The following TRPC4 variants were observed in gnomAD, a reference collection of about 807,000 sequenced individuals.
The protein encoded by TRPC4 is transient receptor potential cation channel subfamily C member 4.
Under a neutral mutation model 99.4 loss-of-function variants are expected in TRPC4, and 49 were observed. The observed-to-expected ratio is 0.49, with a 90% CI of 0.39 to 0.63. The LOEUF is 0.63. Ranked by LOEUF, TRPC4 falls within the 20% of genes least tolerant of loss-of-function variation. The pLI is 0.00. For synonymous variants in TRPC4, 454 were observed against 425.9 expected (o/e 1.07, Z -0.81); for missense variants, 898 against 1,152.9 (o/e 0.78, Z 3.20).
chr13:37,707,885 A>G (rs1482668749), intron 3 of TRPC4, among the ~76,000 whole-genome samples: 1 of 152,164 alleles, frequency 6.6e-6, no homozygotes, highest in Non-Finnish European at 1.5e-5. Context: ...GAAATGATAA[A>G]AGACAGTGAA....
chr13:37,731,850 C>T lies in TRPC4; in HGVS notation c.897+14087G>A, dbSNP rs181951443. Among the ~76,000 whole-genome samples the T allele has an allele frequency of 1.5e-3, 222 of 152,154 alleles. 2 individuals are homozygous for T. The highest frequency in any genetic ancestry group is 1.2e-3 in the Non-Finnish European group (82 of 67,946). Reference sequence around the variant, plus strand: ...TCCCCACCTCCAAAGGAGCTAGCTACTATTTCTTTTTTCTTTCCCCATATA... The same window carrying T: ...TCCCCACCTCCAAAGGAGCTAGCTATTATTTCTTTTTTCTTTCCCCATATA... On this transcript the variant is annotated intron_variant, in intron 3 of 10. Coordinates refer to ENST00000379705, the MANE Select transcript of TRPC4 (RefSeq NM_016179.4).
At chr13:37,834,636 C>T (rs557149135) in intron 1 of TRPC4, among the ~76,000 whole-genome samples, 2 of 152,282 alleles carry the variant, frequency 1.3e-5, no homozygotes, top group Non-Finnish European at 2.9e-5. Context: ...ATGACAGAAC[C>T]TTTAGATGAG....
intron 5 of TRPC4, among the ~76,000 whole-genome samples, chr13:37,664,305 G>A (rs533410365): frequency 6.6e-6 from 1 of 152,292 alleles, no homozygotes; most frequent in East Asian, 1.9e-4. Flanking sequence ...CTGGCGCGGT[G>A]GCTGATGCCT....
rs765445730 is a variant in TRPC4, at chr13:37,655,160, G to A, written c.1812C>T (p.Tyr604=). Residue 604 remains tyrosine (Y), a synonymous_variant, in exon 7 of 11, where the codon TAC becomes TAT. Coordinates refer to ENST00000379705, the MANE Select transcript of TRPC4 (RefSeq NM_016179.4). ...EFVGATMFGT[Y]NVISLVVLLN... is the part of the protein sequence containing the mutation. ...GTAGAACAACCAGAGAGATGACATT[G>A]TATGTCCCAAACATGGTGGCACCAA... 24 of 1,606,198 alleles carry A rather than the reference G, an allele frequency of 1.5e-5. No homozygotes were observed. Among genetic ancestry groups the A allele is most frequent in the Non-Finnish European group, 2.0e-5 (24 of 1,175,580 alleles).
intron 3 of TRPC4, among the ~76,000 whole-genome samples, chr13:37,740,075 G>A (rs1350265737): frequency 6.6e-6 from 1 of 152,142 alleles, no homozygotes; most frequent in African/African-American, 2.4e-5. Flanking sequence ...GATCTAAGAG[G>A]AGAAAGTCAT....
At chr13:37,771,436 A>G (rs1003872410) in intron 2 of TRPC4, among the ~76,000 whole-genome samples, 2 of 151,722 alleles carry the variant, frequency 1.3e-5, no homozygotes, top group Admixed American at 6.6e-5. Flanking sequence ...TGAATAATAG[A>G]CACTGTATGT....
rs1161540086 is a variant in TRPC4 at position 37,783,011 on chromosome 13, ACTT to A, written c.320_322del (p.Glu107del). ...CAATAACAGCTCAACAGCTCCGACG[ACTT>A]CTTTTCTGATAGCATGTAATAGAGC... is the stretch of plus-strand genomic sequence containing the variant. On this transcript the variant is annotated inframe_deletion, in exon 2 of 11. Coordinates refer to ENST00000379705, the MANE Select transcript of TRPC4 (RefSeq NM_016179.4). 6.2e-7 allele frequency: 1 copy of A among 1,607,080 alleles called. No homozygotes were observed. The highest frequency in any genetic ancestry group is 1.3e-5 in the African/African-American group (1 of 74,640).
chr13:37,827,127 C>T (rs1297091332), intron 1 of TRPC4, among the ~76,000 whole-genome samples: 2 of 152,104 alleles, frequency 1.3e-5, no homozygotes, highest in Non-Finnish European at 2.9e-5. Context: ...GCTCCATCAC[C>T]TCCTTTAAAC....
chr13:37,643,076 G>C (rs1330044619), intron 8 of TRPC4, among the ~76,000 whole-genome samples: 1 of 152,032 alleles, frequency 6.6e-6, no homozygotes, highest in Non-Finnish European at 1.5e-5. Flanking sequence ...TCATTTCTCT[G>C]TGACCCCTAG....
At chr13:37,816,178 G>A (rs1414788687) in intron 1 of TRPC4, among the ~76,000 whole-genome samples, 3 of 151,638 alleles carry the variant, frequency 2.0e-5, no homozygotes, top group Non-Finnish European at 4.4e-5. Context: ...TCATGGAAGG[G>A]CATTATATAA....
chr13:37,828,381 T>C (rs1235178037), intron 1 of TRPC4, among the ~76,000 whole-genome samples: 1 of 152,228 alleles, frequency 6.6e-6, no homozygotes, highest in Non-Finnish European at 1.5e-5. Context: ...TATACGGTGT[T>C]GTTTGGAATG....
At chr13:37,689,416 G>A (rs138349039) in intron 4 of TRPC4, among the ~76,000 whole-genome samples, 1 of 152,124 alleles carries the variant, frequency 6.6e-6, no homozygotes, top group African/African-American at 2.4e-5. Context: ...ACCAGACTTG[G>A]TGAACAATAT....
intron 1 of TRPC4, among the ~76,000 whole-genome samples, chr13:37,827,147 T>C (rs1407982712): frequency 6.6e-6 from 1 of 152,086 alleles, no homozygotes; most frequent in Non-Finnish European, 1.5e-5. Context: ...CACTTCTCTG[T>C]ATTGGTTATT....
intron 3 of TRPC4, among the ~76,000 whole-genome samples, chr13:37,725,907 T>G (rs975025673): frequency 6.6e-6 from 1 of 152,218 alleles, no homozygotes; most frequent in East Asian, 1.9e-4. Context: ...AGTATGTAGA[T>G]AACTAAAAAG....
Position 37,782,988 on chromosome 13 carries a change from A to G in TRPC4, c.346T>C (p.Leu116=), listed in dbSNP as rs1279699816. The G allele has an allele frequency of 1.5e-5, 23 of 1,566,078 alleles. No homozygotes were observed. Among genetic ancestry groups the G allele is most frequent in the Admixed American group, 3.7e-5 (2 of 54,620 alleles). The change falls in exon 2 of 11, where the codon TTG becomes CTG. Residue 116 remains leucine, a synonymous_variant. Transcript: ENST00000379705. ...KEVVGAVELL[L]NHKKPSGEKQ... ...TCTCCACTAGGTTTTTTGTGGTTCA[A>G]TAACAGCTCAACAGCTCCGACGACT...
chr13:37,743,475 C>G (rs1390691121), intron 3 of TRPC4, among the ~76,000 whole-genome samples: 1 of 151,874 alleles, frequency 6.6e-6, no homozygotes, highest in Non-Finnish European at 1.5e-5. Flanking sequence ...AGAACATAAG[C>G]AAAGAAAACA....
At chr13:37,646,901 T>C (rs1951874348) in intron 8 of TRPC4, among the ~76,000 whole-genome samples, 1 of 152,164 alleles carries the variant, frequency 6.6e-6, no homozygotes, top group African/African-American at 2.4e-5. Flanking sequence ...CAATAATGGG[T>C]TTGCTTTCTA....
chr13:37,722,188 C>G (rs958992993), intron 3 of TRPC4, among the ~76,000 whole-genome samples: 2 of 151,924 alleles, frequency 1.3e-5, no homozygotes, highest in African/African-American at 4.8e-5. Flanking sequence ...TGATTTAGAC[C>G]CAGGTGAGTT....
chr13:37,676,443 G>A (rs1340091137), intron 4 of TRPC4, among the ~76,000 whole-genome samples: 1 of 150,022 alleles, frequency 6.7e-6, no homozygotes. Context: ...CGCAATCTCC[G>A]CCCACTACAA....
Sources: allele counts gnomAD v4.1 joint callset (sites outside exome capture counted in the v4.1 genomes callset), GRCh38; gene constraint gnomAD v4.1.1; transcripts MANE v1.5; gene names NCBI Gene and HGNC (gene_info 2026-07-23, HGNC 2026-07-21).